Variants in ARHGAP10 observed in about 807,000 individuals in gnomAD.
ARHGAP10 encodes rho GTPase-activating protein 10.
A neutral mutation model predicts 108.6 loss-of-function variants in ARHGAP10; 87 were observed. That is an observed-to-expected ratio of 0.80 (90% confidence interval 0.67 to 0.96). The LOEUF (loss-of-function observed/expected upper bound fraction) is 0.96. ARHGAP10 is among the 40% of genes least tolerant of loss of function. ARHGAP10 has a pLI of 0.00. For synonymous variants in ARHGAP10, 347 were observed against 341.1 expected, an observed-to-expected ratio of 1.02 and a Z score of -0.19; for missense variants, 939 against 954.5, an observed-to-expected ratio of 0.98 and a Z score of 0.21.
chr4:147,736,908 A>G (rs1728440762), intron 1 of ARHGAP10, among the ~76,000 whole-genome samples: 1 of 152,102 alleles, frequency 6.6e-6, no homozygotes, highest in African/African-American at 2.4e-5. Context: ...GTCATAGGAG[A>G]CGCGAAGAAG....
At chr4:147,870,008 G>T (rs9999132) in intron 7 of ARHGAP10, among the ~76,000 whole-genome samples, 12,749 of 52,198 alleles carry the variant, frequency 0.24, 799 homozygotes, top group East Asian at 0.32. Flanking sequence ...TTGTGTGTGT[G>T]TGTGTGTGTG....
At chr4:147,779,000 C>T (rs570555246) in intron 1 of ARHGAP10, among the ~76,000 whole-genome samples, 2 of 152,242 alleles carry the variant, frequency 1.3e-5, no homozygotes, top group East Asian at 3.9e-4. Flanking sequence ...GTGGGAATAG[C>T]GAATATGTGT....
intron 10 of ARHGAP10, among the ~76,000 whole-genome samples, chr4:147,899,966 CTTT>C (rs1736169112): frequency 6.7e-6 from 1 of 149,476 alleles, no homozygotes; most frequent in South Asian, 2.1e-4. Context: ...ATATCTGCTT[CTTT>C]GTTTATTCAC....
At chr4:147,991,275 T>A (rs570478830) in intron 18 of ARHGAP10, among the ~76,000 whole-genome samples, 1 of 152,218 alleles carries the variant, frequency 6.6e-6, no homozygotes, top group Admixed American at 6.5e-5. Context: ...GAAGGACCCG[T>A]GAGACTCTGC....
intron 1 of ARHGAP10, among the ~76,000 whole-genome samples, chr4:147,822,240 C>G (rs942028273): frequency 6.6e-6 from 1 of 152,166 alleles, no homozygotes; most frequent in African/African-American, 2.4e-5. Context: ...CTGGGTTTCT[C>G]TGGCTGGAGT....
chr4:147,922,551 A>G (rs569470430), intron 13 of ARHGAP10, among the ~76,000 whole-genome samples: 79 of 150,308 alleles, frequency 5.3e-4, no homozygotes, highest in Non-Finnish European at 9.7e-4. Context: ...AGCCGGGCGT[A>G]GTGGCGGGCG....
intron 1 of ARHGAP10, among the ~76,000 whole-genome samples, chr4:147,756,255 G>A (rs764372535): frequency 1.4e-4 from 21 of 152,112 alleles, no homozygotes; most frequent in Non-Finnish European, 2.5e-4. Flanking sequence ...CTAGCCCCAA[G>A]TAAGTCTGGG....
intron 10 of ARHGAP10, among the ~76,000 whole-genome samples, chr4:147,905,013 G>T (rs1206601806): frequency 1.3e-5 from 2 of 152,024 alleles, no homozygotes; most frequent in African/African-American, 4.8e-5. Context: ...TGTGTTTTTT[G>T]GCTGCATAAA....
At position 147,913,066 on chromosome 4, in the gene ARHGAP10, T is replaced by C. The variant is rs769757308; in HGVS notation, c.1163-8T>C. ...TGTACACTTAATGTTTTAAACTGTT[T>C]CTTGTAGATGCACAGTTGGATAAGA... On this transcript the variant is annotated splice_region_variant and splice_polypyrimidine_tract_variant and intron_variant, in intron 12 of 22. Coordinates refer to ENST00000336498, the MANE Select transcript of ARHGAP10 (RefSeq NM_024605.4). 2 of 1,611,574 alleles carry C rather than the reference T, an allele frequency of 1.2e-6. No individual in the cohort carries two copies. The highest frequency in any genetic ancestry group is 2.2e-5 in the South Asian group (2 of 90,938).
intron 1 of ARHGAP10, 38 bp downstream of exon 1, chr4:147,732,493 G>T: frequency 6.2e-7 from 1 of 1,604,396 alleles, no homozygotes; most frequent in Non-Finnish European, 8.5e-7. Context: ...CTGCGGCGTG[G>T]CGAGGCGGCT....
At chr4:147,948,579 G>A (rs1738475203) in intron 15 of ARHGAP10, among the ~76,000 whole-genome samples, 1 of 152,046 alleles carries the variant, frequency 6.6e-6, no homozygotes, top group African/African-American at 2.4e-5. Context: ...CATTTAACAT[G>A]TTTCTTTAGC....
At chr4:148,063,433 C>T (rs187255355) in intron 21 of ARHGAP10, 133 bp downstream of exon 21, 4 of 1,199,190 alleles carry the variant, frequency 3.3e-6, no homozygotes, top group East Asian at 5.1e-5. Flanking sequence ...ACTTCATGGA[C>T]AGCACTTACC....
chr4:147,972,565 A>G (rs1739450985), intron 18 of ARHGAP10, among the ~76,000 whole-genome samples: 1 of 152,092 alleles, frequency 6.6e-6, no homozygotes, highest in Admixed American at 6.5e-5. Context: ...AGAAACACCA[A>G]GATTTTCCTG....
chr4:147,879,155 C>T (rs1735222147), intron 8 of ARHGAP10, 77 bp from the exon 9 acceptor site: 1 of 1,190,754 alleles, frequency 8.4e-7, no homozygotes, highest in South Asian at 1.5e-5. Flanking sequence ...GACATTTCCT[C>T]TTTAGTAATG....
At chr4:147,922,015 C>A (rs572304535) in intron 13 of ARHGAP10, among the ~76,000 whole-genome samples, 1 of 152,208 alleles carries the variant, frequency 6.6e-6, no homozygotes, top group East Asian at 1.9e-4. Flanking sequence ...GCCTTCTCCC[C>A]TGCCCCTCCT....
intron 18 of ARHGAP10, among the ~76,000 whole-genome samples, chr4:147,980,250 CAT>C (rs1560857012): frequency 6.6e-6 from 1 of 151,922 alleles, no homozygotes; most frequent in African/African-American, 2.4e-5. Context: ...ATCATAAAGA[CAT>C]ATTGGATTTT....
At chr4:147,904,038 C>T (rs1004172419) in intron 10 of ARHGAP10, among the ~76,000 whole-genome samples, 3 of 152,078 alleles carry the variant, frequency 2.0e-5, no homozygotes, top group Admixed American at 2.0e-4. Context: ...AAGAAACAAC[C>T]AGACTTTGAA....
rs115779097 is a variant in ARHGAP10 at position 147,850,529 on chromosome 4, G to A, written c.384+3307G>A. ...TCTCTATGCGCCACCTTTAAGAGCTGTAACAGTCACTGCAAAGGTCTGCGG... is the reference window on the plus strand; with the variant it reads ...TCTCTATGCGCCACCTTTAAGAGCTATAACAGTCACTGCAAAGGTCTGCGG... On this transcript the variant is annotated intron_variant, in intron 4 of 22. Transcript: ENST00000336498. Among the ~76,000 whole-genome samples the A allele has an allele frequency of 6.1e-3, 931 of 152,286 alleles. 10 individuals are homozygous for A. Among genetic ancestry groups the A allele is most frequent in the African/African-American group, 0.021 (876 of 41,566 alleles).
intron 10 of ARHGAP10, among the ~76,000 whole-genome samples, chr4:147,891,667 C>A (rs577905310): frequency 2.6e-5 from 4 of 152,206 alleles, no homozygotes; most frequent in Non-Finnish European, 5.9e-5. Flanking sequence ...CAAATGAATA[C>A]CTACCATAGC....
Sources: allele counts gnomAD v4.1 joint callset (sites outside exome capture counted in the v4.1 genomes callset), GRCh38; gene constraint gnomAD v4.1.1; transcripts MANE v1.5; gene names NCBI Gene and HGNC (gene_info 2026-07-23, HGNC 2026-07-21).